Variants in MYBPHL observed in about 807,000 individuals in gnomAD.
The protein encoded by MYBPHL is myosin binding protein H like, also known as myosin-binding protein H-like.
Under a neutral mutation model 39.5 loss-of-function variants are expected in MYBPHL, and 32 were observed. The observed-to-expected ratio is 0.81, with a 90% CI of 0.61 to 1.09. The LOEUF (loss-of-function observed/expected upper bound fraction) is 1.09. Among genes scored for constraint, MYBPHL ranks in the 50% least tolerant of loss-of-function variants. The pLI is 0.00. For missense variants in MYBPHL, 456 were observed against 460.2 expected (o/e 0.99, Z 0.08); for synonymous variants, 196 against 183.7 (o/e 1.07, Z -0.54).
Position 109,296,217 on chromosome 1 carries a change from C to T in MYBPHL, c.867+17G>A, listed in dbSNP as rs568168865. 1.1e-4 allele frequency: 180 copies of T among 1,611,992 alleles called. 1 individual carries two copies. The South Asian group carries it at 1.8e-3, about 16-fold the overall frequency. ...AAGAAGCAGCTCAGCACAGTGCCCC[C>T]CAGAGCCCCCACTCACCCGGGGAGA... On this transcript the variant is annotated intron_variant, in intron 6 of 8. Coordinates refer to ENST00000357155, the MANE Select transcript of MYBPHL (RefSeq NM_001010985.3).
chr1:109,297,293 G>T, intron 3 of MYBPHL, 104 bp from the exon 4 acceptor site: 1 of 1,572,462 alleles, frequency 6.4e-7, no homozygotes, highest in Non-Finnish European at 8.7e-7. Flanking sequence ...CCCCTCCTGC[G>T]CCCACCCTGT....
intron 1 of MYBPHL, among the ~76,000 whole-genome samples, chr1:109,303,921 TTC>T (rs1424756132): frequency 2.0e-5 from 3 of 151,700 alleles, no homozygotes; most frequent in Admixed American, 1.3e-4. Flanking sequence ...CTTGCAGTTG[TTC>T]TCTCTGTGTG....
intron 1 of MYBPHL, among the ~76,000 whole-genome samples, chr1:109,298,497 A>C (rs1658169462): frequency 6.6e-6 from 1 of 152,250 alleles, no homozygotes; most frequent in South Asian, 2.1e-4. Flanking sequence ...CGAGTCTGAC[A>C]GTTCTCTTAA....
At chr1:109,302,052 TGTGTGA>T (rs1349506503) in intron 1 of MYBPHL, among the ~76,000 whole-genome samples, 3 of 151,652 alleles carry the variant, frequency 2.0e-5, no homozygotes, top group Non-Finnish European at 4.4e-5. Context: ...TATGTATGTG[TGTGTGA>T]GTGTATGTGT....
At position 109,296,849 on chromosome 1, in the gene MYBPHL, C is replaced by T. The variant is rs1293558044; in HGVS notation, c.664G>A (p.Glu222Lys). The T allele has an allele frequency of 1.9e-6, 3 of 1,614,182 alleles. No homozygotes were observed. The highest frequency in any genetic ancestry group is 2.2e-5 in the East Asian group (1 of 44,876). Residue 222 changes from glutamate (E) to lysine (K), a missense_variant, in exon 5 of 9, where the codon GAA becomes AAA. Coordinates refer to ENST00000357155, the MANE Select transcript of MYBPHL (RefSeq NM_001010985.3). Reference sequence around the variant, plus strand: ...GTTTCACTGAGTCCGCACTGGTTTTCAGCAAAGACACGGAAGGCATAGGAG... The same window carrying T: ...GTTTCACTGAGTCCGCACTGGTTTTTAGCAAAGACACGGAAGGCATAGGAG... The part of the protein sequence containing the change: ...GNSYAFRVFA[E>K]NQCGLSETAP...
At chr1:109,306,786 C>T (rs1228877040) in intron 1 of MYBPHL, 61 bp downstream of exon 1, 13 of 1,424,204 alleles carry the variant, frequency 9.1e-6, no homozygotes, top group Non-Finnish European at 1.0e-5. Context: ...AGGAAGGTGG[C>T]GATGTCTTCC....
At position 109,306,934 on chromosome 1, in the gene MYBPHL, C is replaced by T; in HGVS notation, c.58G>A (p.Ala20Thr). The stretch of plus-strand genomic sequence containing the variant: ...GGTGGTTCAGCATCCGCTGGGCTGG[C>T]TTCTTTCACCTTCAGCTTGGATCCT... ...AAGSKLKVKE[A>T]SPADAEPPQA... The change falls in exon 1 of 9, where the codon GCC (alanine) becomes ACC (threonine). Residue 20 changes from alanine (A) to threonine (T), a missense_variant. Ala to Thr is a moderately conservative substitution (Grantham distance 58, BLOSUM62 0). Coordinates refer to ENST00000357155, the MANE Select transcript of MYBPHL (RefSeq NM_001010985.3). The T allele has an allele frequency of 6.2e-7, 1 of 1,610,100 alleles. No individual in the cohort carries two copies. Among genetic ancestry groups the T allele is most frequent in the South Asian group, 1.1e-5 (1 of 90,474 alleles).
At chr1:109,296,755 C>T (rs183106571) in intron 5 of MYBPHL, 28 bp downstream of exon 5, 886 of 1,613,762 alleles carry the variant, frequency 5.5e-4, no homozygotes, top group Non-Finnish European at 6.8e-4. Context: ...TAAGTCTTCC[C>T]AGCTCATGAT....
rs768047358 is a variant in MYBPHL, at chr1:109,296,698, C to G, written c.730+85G>C. 2.0e-4 allele frequency: 306 copies of G among 1,539,194 alleles called. 1 individual carries two copies. The highest frequency in any genetic ancestry group is 2.6e-4 in the Non-Finnish European group (290 of 1,119,506). On this transcript the variant is annotated intron_variant, in intron 5 of 8. Coordinates refer to ENST00000357155, the MANE Select transcript of MYBPHL (RefSeq NM_001010985.3). ...AGGTGATCCGCCTGCCTTGGCCTCC[C>G]AAAGTGCTGGAATTAGAGGCGTGAG...
At chr1:109,293,259 T>TA (rs1470035740) in intron 8 of MYBPHL, among the ~76,000 whole-genome samples, 1 of 152,116 alleles carries the variant, frequency 6.6e-6, no homozygotes, top group Non-Finnish European at 1.5e-5. Flanking sequence ...TTTCCTACAA[T>TA]ACCTGCTCAG....
chr1:109,296,883 G>C lies in MYBPHL; in HGVS notation c.630C>G (p.Ile210Met). The change falls in exon 5 of 9, where the codon ATC (isoleucine) becomes ATG (methionine). Residue 210 changes from isoleucine to methionine, a missense_variant. Transcript: ENST00000357155. Reference sequence around the variant, plus strand: ...CACGGAAGGCATAGGAGTTGCCGATGATGAGGTCAGAGACGATGCAGCTGG... The same window carrying C: ...CACGGAAGGCATAGGAGTTGCCGATCATGAGGTCAGAGACGATGCAGCTGG... The part of the protein sequence containing the change: ...HRTSCIVSDL[I>M]IGNSYAFRVF... The C allele has an allele frequency of 6.2e-7, 1 of 1,614,178 alleles. No homozygotes were observed. The highest frequency in any genetic ancestry group is 8.5e-7 in the Non-Finnish European group (1 of 1,180,024).
intron 6 of MYBPHL, 36 bp downstream of exon 6, chr1:109,296,198 C>A: frequency 6.2e-7 from 1 of 1,604,832 alleles, no homozygotes; most frequent in Non-Finnish European, 8.5e-7. Context: ...GAACAAGAAG[C>A]AGCTCAGCAC....
intron 1 of MYBPHL, among the ~76,000 whole-genome samples, chr1:109,303,757 A>C (rs546971728): frequency 3.0e-4 from 46 of 152,298 alleles, no homozygotes; most frequent in African/African-American, 1.1e-3. Flanking sequence ...CCTTACTCCC[A>C]GTCCCTGCAC....
chr1:109,303,995 A>G (rs970977391), intron 1 of MYBPHL, among the ~76,000 whole-genome samples: 1 of 152,114 alleles, frequency 6.6e-6, no homozygotes, highest in Non-Finnish European at 1.5e-5. Flanking sequence ...TTGCTGCTCA[A>G]ATGTCACCTT....
At chr1:109,296,418 C>T (rs758956380) in intron 5 of MYBPHL, 48 bp from the exon 6 acceptor site, 1 of 1,599,726 alleles carries the variant, frequency 6.3e-7, no homozygotes, top group South Asian at 1.1e-5. Flanking sequence ...GATCCCAGCC[C>T]TCGTCGACTC....
chr1:109,298,864 C>G (rs542262483), intron 1 of MYBPHL, among the ~76,000 whole-genome samples: 46 of 152,132 alleles, frequency 3.0e-4, no homozygotes, highest in Non-Finnish European at 5.6e-4. Context: ...CAGTCTTCTT[C>G]CAGTTTGCAG....
intron 6 of MYBPHL, 41 bp from the exon 7 acceptor site, chr1:109,295,338 G>T: frequency 6.4e-7 from 1 of 1,574,074 alleles, no homozygotes; most frequent in Non-Finnish European, 8.7e-7. Flanking sequence ...GAGGGGCGAG[G>T]GTAAGAACCA....
chr1:109,298,092 A>C, intron 2 of MYBPHL, 77 bp downstream of exon 2: 1 of 1,232,578 alleles, frequency 8.1e-7, no homozygotes, highest in Non-Finnish European at 1.2e-6. Flanking sequence ...TGCTAGCAGG[A>C]CTCTTGGTAT....
chr1:109,298,405 C>A, intron 1 of MYBPHL, 148 bp from the exon 2 acceptor site: 1 of 656,616 alleles, frequency 1.5e-6, no homozygotes, highest in Admixed American at 3.3e-5. Context: ...TCCCATCATC[C>A]TGCTGGGATT....
Sources: allele counts gnomAD v4.1 joint callset (sites outside exome capture counted in the v4.1 genomes callset), GRCh38; gene constraint gnomAD v4.1.1; transcripts MANE v1.5; gene names NCBI Gene and HGNC (gene_info 2026-07-23, HGNC 2026-07-21).